Variants in RPL18A observed in about 807,000 individuals in gnomAD.
RPL18A encodes large ribosomal subunit protein eL20.
For synonymous variants in RPL18A, 122 were observed against 96.9 expected, an observed-to-expected ratio of 1.26 and a Z score of -1.52; for missense variants, 163 against 254.1, an observed-to-expected ratio of 0.64 and a Z score of 2.44.
At chr19:17,862,823 A>G (rs1373260114) in intron 3 of RPL18A, 95 bp from the exon 4 acceptor site, 1 of 848,740 alleles carries the variant, frequency 1.2e-6, no homozygotes, top group Admixed American at 1.8e-5. Flanking sequence ...TGTGACCAAC[A>G]GGATGTGTCA....
chr19:17,862,924 A>C lies in RPL18A; in HGVS notation c.335A>C (p.Asp112Ala). 6.2e-7 allele frequency: 1 copy of C among 1,610,696 alleles called. No homozygotes were observed. Among genetic ancestry groups the C allele is most frequent in the Non-Finnish European group, 8.5e-7 (1 of 1,178,340 alleles). Reference protein sequence around the residue: ...TAGAVTQCYRDMGARHRARAH... With the variant: ...TAGAVTQCYRAMGARHRARAH... ...GCCCCGCTCCTTTCCACAGACCGAGACATGGGTGCCCGGCACCGCGCCCGA... is the reference window on the plus strand; with the variant it reads ...GCCCCGCTCCTTTCCACAGACCGAGCCATGGGTGCCCGGCACCGCGCCCGA... Residue 112 changes from aspartate (D) to alanine (A), a missense_variant, in exon 4 of 5, where the codon GAC (aspartate) becomes GCC (alanine). By Grantham distance (126) the Asp-to-Ala change is moderately radical. Coordinates refer to ENST00000222247, the MANE Select transcript of RPL18A (RefSeq NM_000980.4).
chr19:17,861,136 G>A (rs1441032694), intron 1 of RPL18A, 157 bp from the exon 2 acceptor site: 3 of 626,268 alleles, frequency 4.8e-6, no homozygotes, highest in Non-Finnish European at 8.5e-6. Flanking sequence ...GGTCGGGAGT[G>A]TGACCTACAG....
rs559981354 is a variant in RPL18A, at chr19:17,862,357, G to A, written c.328+134G>A. The A allele has an allele frequency of 1.4e-5, 15 of 1,086,370 alleles. No homozygotes were observed. The East Asian group carries it at 3.1e-4, about 22-fold the overall frequency. The allele number at this position is 1,086,370 out of a possible 1,614,324, so 67.3% of individuals were successfully genotyped here. A position where few individuals can be genotyped will look rare whatever the true frequency, so the allele number is the denominator to read the frequency against. ...GCGGGGCACAGGAAGACAAAAGGAT[G>A]CCCCAGGCCCCAGATGGCGCTTTTC... On this transcript the variant is annotated intron_variant, in intron 3 of 4. Transcript: ENST00000222247.
At chr19:17,860,261 C>A (rs2094274773) in intron 1 of RPL18A, 5 of 416,424 alleles carry the variant, frequency 1.2e-5, no homozygotes, top group Non-Finnish European at 2.1e-5. Context: ...CTAGCCCCGG[C>A]ACCTCGTCGA....
At position 17,861,433 on chromosome 19, in the gene RPL18A, G is replaced by A. The variant is rs184314100; in HGVS notation, c.159G>A (p.Lys53=). Residue 53 remains lysine, a synonymous_variant, in exon 2 of 5, where the codon AAG becomes AAA. Coordinates refer to ENST00000222247, the MANE Select transcript of RPL18A (RefSeq NM_000980.4). ...RFWYFVSQLK[K]MKKSSGEIVY... is the part of the protein sequence containing the mutation. The stretch of plus-strand genomic sequence containing the variant: ...GGTACTTTGTATCTCAGTTAAAGAA[G>A]ATGAAGAAGTCTTCAGGGGAGATTG... 15 of 1,605,012 alleles carry A rather than the reference G, an allele frequency of 9.3e-6. No homozygotes were observed. Among genetic ancestry groups the A allele is most frequent in the South Asian group, 8.9e-5 (8 of 90,180 alleles).
At chr19:17,860,167 C>G in intron 1 of RPL18A, 193 bp downstream of exon 1, 1 of 539,042 alleles carries the variant, frequency 1.9e-6, no homozygotes, top group Non-Finnish European at 3.2e-6. Flanking sequence ...GATGCGTGAC[C>G]TGGGCCAGCT....
chr19:17,862,326 C>A, intron 3 of RPL18A, 103 bp downstream of exon 3: 1 of 1,404,278 alleles, frequency 7.1e-7, no homozygotes, highest in Non-Finnish European at 9.7e-7. Context: ...AGTCTCAGGA[C>A]TGGTGGCGGG....
chr19:17,862,182 A>G lies in RPL18A; in HGVS notation c.287A>G (p.Glu96Gly), dbSNP rs2094278685. ...SRSGTHNMYR[E>G]YRDLTTAGAV... is the part of the protein sequence containing the mutation. ...AGCGGCACCCACAACATGTACCGGG[A>G]ATACCGGGACCTGACCACCGCAGGC... is the stretch of plus-strand genomic sequence containing the variant. Residue 96 changes from glutamate to glycine, a missense_variant, in exon 3 of 5, where the codon GAA becomes GGA. Transcript: ENST00000222247. 1 of 1,613,292 alleles carries G rather than the reference A, an allele frequency of 6.2e-7. No homozygotes were observed. The highest frequency in any genetic ancestry group is 1.7e-5 in the Admixed American group (1 of 59,982).
intron 2 of RPL18A, chr19:17,861,845 A>ACT (rs2094277944): frequency 1.8e-6 from 1 of 563,586 alleles, no homozygotes; most frequent in Non-Finnish European, 3.1e-6. Context: ...CAGGAACTGC[A>ACT]TCTGGGGCTG....
Position 17,863,273 on chromosome 19 carries a change from C to T in RPL18A, c.*10C>T, listed in dbSNP as rs753092481. The T allele has an allele frequency of 5.9e-6, 9 of 1,528,718 alleles. No homozygotes were observed. Among genetic ancestry groups the T allele is most frequent in the East Asian group, 2.3e-5 (1 of 44,200 alleles). The allele number at this position is 1,528,718 out of a possible 1,614,324, so 94.7% of individuals were successfully genotyped here. The stretch of plus-strand genomic sequence containing the variant: ...CAACACCTTCTTCTAGGTGCAGGGC[C>T]CTCGTCCGGGTGTGCCCCAAATAAA... On this transcript the variant is annotated 3_prime_UTR_variant, in exon 5 of 5. Transcript: ENST00000222247.
At chr19:17,860,894 C>G (rs1487517172) in intron 1 of RPL18A, 1 of 213,454 alleles carries the variant, frequency 4.7e-6, no homozygotes, top group Non-Finnish European at 9.6e-6. Flanking sequence ...ATGCTGGTCA[C>G]TGGGCCTCAG....
rs758366049 is a variant in RPL18A, at chr19:17,863,206, C to T, written c.474C>T (p.Val158=). 5 of 1,611,858 alleles carry T rather than the reference C, an allele frequency of 3.1e-6. No homozygotes were observed. Among genetic ancestry groups the T allele is most frequent in the African/African-American group, 1.3e-5 (1 of 74,856 alleles). The change falls in exon 5 of 5, where the codon GTC becomes GTT. Residue 158 remains valine, a synonymous_variant. Coordinates refer to ENST00000222247, the MANE Select transcript of RPL18A (RefSeq NM_000980.4). The stretch of plus-strand genomic sequence containing the variant: ...TCAAGTTCCCGCTGCCCCACCGGGT[C>T]CTGCGCCGTCAGCACAAGCCACGCT... ...SKIKFPLPHR[V]LRRQHKPRFT...
chr19:17,863,031 A>C lies in RPL18A; in HGVS notation c.438+4A>C, dbSNP rs775367195. 1 of 1,608,504 alleles carries C rather than the reference A, an allele frequency of 6.2e-7. No homozygotes were observed. Among genetic ancestry groups the C allele is most frequent in the Non-Finnish European group, 8.5e-7 (1 of 1,175,566 alleles). ...GCCGGCTGTCAAGCAGTTCCACGTG[A>C]GTGCCCTGGGGGACTCCCCTGGAGG... On this transcript the variant is annotated splice_donor_region_variant and intron_variant, in intron 4 of 4. Coordinates refer to ENST00000222247, the MANE Select transcript of RPL18A (RefSeq NM_000980.4).
chr19:17,860,215 C>T (rs1023458249), intron 1 of RPL18A: 6 of 504,918 alleles, frequency 1.2e-5, no homozygotes, highest in African/African-American at 6.1e-5. Context: ...GGGTCTTCTT[C>T]CCGGGGGAAG....
chr19:17,862,855 G>A (rs1012556356), intron 3 of RPL18A, 63 bp from the exon 4 acceptor site: 7 of 1,085,948 alleles, frequency 6.4e-6, no homozygotes, highest in African/African-American at 1.5e-5. Context: ...AGGCACTCAG[G>A]AGGTTTGCTG....
intron 1 of RPL18A, 195 bp from the exon 2 acceptor site, chr19:17,861,098 C>T (rs369834812): frequency 9.6e-5 from 57 of 593,260 alleles, no homozygotes; most frequent in East Asian, 2.3e-4. Context: ...ACCTCCCTCT[C>T]CTCAGTTCAT....
intron 3 of RPL18A, chr19:17,862,583 C>A (rs781213990): frequency 1.4e-6 from 1 of 702,934 alleles, no homozygotes; most frequent in East Asian, 2.9e-5. Flanking sequence ...CCCCACACCT[C>A]CCTGATTGCA....
chr19:17,861,913 A>AC, intron 2 of RPL18A, 181 bp from the exon 3 acceptor site: 1 of 673,732 alleles, frequency 1.5e-6, no homozygotes, highest in Non-Finnish European at 2.5e-6. Context: ...AAGTTCCCTT[A>AC]CCTCACGCTC....
chr19:17,861,547 A>G, intron 2 of RPL18A, 75 bp downstream of exon 2: 1 of 1,207,396 alleles, frequency 8.3e-7, no homozygotes, highest in Non-Finnish European at 1.2e-6. Context: ...CTCAAGAATT[A>G]ATCAGACATC....
Sources: allele counts gnomAD v4.1 joint callset, GRCh38; gene constraint gnomAD v4.1.1; transcripts MANE v1.5; gene names NCBI Gene and HGNC (gene_info 2026-07-23, HGNC 2026-07-21).